Variants in RBMS3 observed in about 807,000 individuals in gnomAD.
RBMS3 encodes the protein RNA binding motif single stranded interacting protein 3.
A neutral mutation model predicts 66.8 loss-of-function variants in RBMS3; 27 were observed. The observed-to-expected ratio is 0.40, with a 90% CI of 0.30 to 0.56. The LOEUF is 0.56. RBMS3 is among the 20% of genes least tolerant of loss of function. The pLI, the probability that RBMS3 is intolerant of heterozygous loss-of-function variation, is 0.40. For synonymous variants in RBMS3, 188 were observed against 183.0 expected (o/e 1.03, Z -0.22); for missense variants, 513 against 549.5 (o/e 0.93, Z 0.66).
At chr3:29,900,068 T>C (rs1419439470) in intron 10 of RBMS3, among the ~76,000 whole-genome samples, 1 of 151,764 alleles carries the variant, frequency 6.6e-6, no homozygotes, top group Non-Finnish European at 1.5e-5. Flanking sequence ...TACCATTTCT[T>C]ATGCATGAGG....
intron 12 of RBMS3, among the ~76,000 whole-genome samples, chr3:29,983,968 T>C (rs1698188215): frequency 6.6e-6 from 1 of 152,196 alleles, no homozygotes; most frequent in Non-Finnish European, 1.5e-5. Context: ...TCTTGCTAGG[T>C]TGGGGAAGTT....
intron 2 of RBMS3, among the ~76,000 whole-genome samples, chr3:29,465,716 A>G (rs1487206168): frequency 6.6e-6 from 1 of 152,174 alleles, no homozygotes; most frequent in African/African-American, 2.4e-5. Flanking sequence ...ACTGCTATTT[A>G]GATGGTTTAT....
At chr3:29,721,045 AT>A (rs2053622098) in intron 4 of RBMS3, among the ~76,000 whole-genome samples, 1 of 152,206 alleles carries the variant, frequency 6.6e-6, no homozygotes, top group African/African-American at 2.4e-5. Flanking sequence ...TTTCAAAAAT[AT>A]TTAGTGTTGC....
intron 6 of RBMS3, among the ~76,000 whole-genome samples, chr3:29,852,823 G>A (rs906207118): frequency 6.6e-6 from 1 of 152,138 alleles, no homozygotes. Context: ...ATACCCAAAG[G>A]AGTATAAATT....
At chr3:29,978,225 G>A (rs1697725385) in intron 12 of RBMS3, among the ~76,000 whole-genome samples, 1 of 152,106 alleles carries the variant, frequency 6.6e-6, no homozygotes, top group African/African-American at 2.4e-5. Flanking sequence ...CATAGCTATG[G>A]CCAATTCCTG....
In RBMS3 at chr3:29,945,605, T is replaced by A. The variant is rs575359479; in HGVS notation, c.1098+1351T>A. ...TGGTACTTTTGTTTAACAAGATACATCTACTCTTGGTAATTTACCAATATT... is the reference window on the plus strand; with the variant it reads ...TGGTACTTTTGTTTAACAAGATACAACTACTCTTGGTAATTTACCAATATT... On this transcript the variant is annotated intron_variant, in intron 12 of 14. Coordinates refer to ENST00000383767, the MANE Select transcript of RBMS3 (RefSeq NM_001003793.3). Among the ~76,000 whole-genome samples, 5 of 151,860 alleles carry A rather than the reference T, an allele frequency of 3.3e-5. No homozygotes were observed. In the South Asian group the frequency reaches 1.0e-3, roughly 31 times the overall value.
At chr3:29,786,240 T>C (rs2056813566) in intron 6 of RBMS3, among the ~76,000 whole-genome samples, 1 of 152,036 alleles carries the variant, frequency 6.6e-6, no homozygotes, top group Admixed American at 6.6e-5. Flanking sequence ...GTAGAATCAG[T>C]GTTGTGAAAA....
rs2035695761 is a variant in RBMS3 at position 29,332,056 on chromosome 3, G to A, written c.75+50300G>A. Among the ~76,000 whole-genome samples the A allele has an allele frequency of 2.0e-5, 3 of 152,114 alleles. No homozygotes were observed. In the South Asian group the frequency reaches 6.2e-4, roughly 32 times the overall value. On this transcript the variant is annotated intron_variant, in intron 1 of 14. Coordinates refer to ENST00000383767, the MANE Select transcript of RBMS3 (RefSeq NM_001003793.3). ...CACAGCTCCTCCGTAGTTGGTTGCTGCCTTCTACTGATGAAAGGACTCAAG... is the reference window on the plus strand; with the variant it reads ...CACAGCTCCTCCGTAGTTGGTTGCTACCTTCTACTGATGAAAGGACTCAAG...
At chr3:29,642,354 A>G (rs2049749386) in intron 4 of RBMS3, among the ~76,000 whole-genome samples, 1 of 152,066 alleles carries the variant, frequency 6.6e-6, no homozygotes, top group African/African-American at 2.4e-5. Flanking sequence ...TCTTAAAACA[A>G]ATTGATCATC....
At chr3:29,287,867 G>T (rs1186436575) in intron 1 of RBMS3, among the ~76,000 whole-genome samples, 2 of 151,960 alleles carry the variant, frequency 1.3e-5, no homozygotes, top group Non-Finnish European at 2.9e-5. Context: ...AAAAGAAAAA[G>T]AGAGTGGCAG....
At chr3:29,459,879 A>G (rs1486694233) in intron 2 of RBMS3, among the ~76,000 whole-genome samples, 1 of 152,228 alleles carries the variant, frequency 6.6e-6, no homozygotes, top group Non-Finnish European at 1.5e-5. Flanking sequence ...CTAGAGTTAG[A>G]GTGTGCATTG....
intron 3 of RBMS3, among the ~76,000 whole-genome samples, chr3:29,504,723 A>G (rs911259541): frequency 1.3e-5 from 2 of 151,726 alleles, no homozygotes; most frequent in Admixed American, 6.6e-5. Flanking sequence ...ATGTGCAAGG[A>G]TTCCCTTTTC....
chr3:29,553,791 A>G, intron 3 of RBMS3, among the ~76,000 whole-genome samples: 1 of 146,398 alleles, frequency 6.8e-6, no homozygotes, highest in Admixed American at 7.1e-5. Context: ...TTACAATACC[A>G]AAATTAACTG....
chr3:29,487,476 T>G (rs74613791), intron 2 of RBMS3, among the ~76,000 whole-genome samples: 13,900 of 152,170 alleles, frequency 0.091, 831 homozygotes, highest in African/African-American at 0.17. Flanking sequence ...TCAGTGGAAT[T>G]TTTTGACAGT....
At chr3:29,426,923 C>T (rs2040983812) in intron 1 of RBMS3, among the ~76,000 whole-genome samples, 1 of 152,194 alleles carries the variant, frequency 6.6e-6, no homozygotes, top group African/African-American at 2.4e-5. Context: ...TTTAGCTTCA[C>T]AACACTCCAA....
intron 1 of RBMS3, among the ~76,000 whole-genome samples, chr3:29,405,862 C>A (rs990868960): frequency 6.6e-6 from 1 of 152,128 alleles, no homozygotes; most frequent in Admixed American, 6.5e-5. Context: ...AGAGGCTATG[C>A]AACTTTTGAA....
At chr3:29,982,505 G>A (rs568616736) in intron 12 of RBMS3, among the ~76,000 whole-genome samples, 7 of 151,982 alleles carry the variant, frequency 4.6e-5, no homozygotes, top group South Asian at 2.1e-4. Context: ...CAATTGTGAC[G>A]TTAGGGTGTC....
At chr3:29,827,394 C>T (rs181152753) in intron 6 of RBMS3, among the ~76,000 whole-genome samples, 139 of 152,294 alleles carry the variant, frequency 9.1e-4, no homozygotes, top group Middle Eastern at 3.4e-3. Context: ...AATGGTCAAT[C>T]GCTTTCTTGT....
intron 6 of RBMS3, among the ~76,000 whole-genome samples, chr3:29,774,717 G>A (rs867029869): frequency 2.7e-4 from 41 of 151,972 alleles, no homozygotes; most frequent in African/African-American, 9.6e-4. Flanking sequence ...AGTTTTCCAG[G>A]GGCTACATGA....
Sources: gnomAD v4.1 joint callset for allele counts (sites outside exome capture counted in the v4.1 genomes callset) on GRCh38, gnomAD v4.1.1 for gene constraint, MANE v1.5 for transcripts, NCBI Gene and HGNC (gene_info 2026-07-23, HGNC 2026-07-21) for gene names.